LMNA: variants seen among roughly 807,000 people sequenced by gnomAD.
LMNA encodes the protein lamin.
LMNA carries 20 observed loss-of-function variants against 70.4 expected under a neutral mutation model. That is an observed-to-expected ratio of 0.28 (90% CI 0.20 to 0.41). The LOEUF is 0.41. LMNA is among the 10% of genes least tolerant of loss of function. LMNA has a pLI of 1.00. For missense variants in LMNA, 652 were observed against 917.2 expected (o/e 0.71, Z 3.73); for synonymous variants, 339 against 372.8 (o/e 0.91, Z 1.04).
chr1:156,112,619 G>A (rs1223367103), upstream of LMNA, among the ~76,000 whole-genome samples: 4 of 152,330 alleles, frequency 2.6e-5, no homozygotes, highest in African/African-American at 9.6e-5. Context: ...GGAAGCTGAG[G>A]GTGGGTGCCA....
At chr1:156,126,708 C>A in intron 1 of LMNA, 1 of 1,549,752 alleles carries the variant, frequency 6.5e-7, no homozygotes, top group Non-Finnish European at 8.7e-7. Flanking sequence ...CCCTCCCCAC[C>A]CCCTCTCTTC....
chr1:156,115,087 G>T lies in LMNA; in HGVS notation c.169G>T (p.Ala57Ser). ...DRVRSLETEN[A>S]GLRLRITESE... ...TGTGCGCTCGCTGGAAACGGAGAAC[G>T]CAGGGCTGCGCCTTCGCATCACCGA... is the stretch of plus-strand genomic sequence containing the variant. The change falls in exon 1 of 12, where the codon GCA (alanine) becomes TCA (serine). Residue 57 changes from alanine (A) to serine (S), a missense_variant. Physicochemically the swap from Ala to Ser is moderately conservative, Grantham distance 99 (BLOSUM62 1). Around this residue, in one of 4 missense-constraint regions of LMNA, gnomAD observed 254 missense variants for 421.9 expected, o/e 0.60. Transcript: ENST00000368300. The surrounding 1 kb of genome is among the most constrained non-coding windows in gnomAD (Gnocchi z 5.8). The T allele has an allele frequency of 6.3e-7, 1 of 1,596,424 alleles. No homozygotes were observed. Among genetic ancestry groups the T allele is most frequent in the Admixed American group, 1.8e-5 (1 of 56,914 alleles).
rs748348868 is a variant in LMNA, at chr1:156,139,101, A to T, written c.1990A>T (p.Met664Leu). ...RTQSPQNCSIM is the reference protein window; with the variant it reads ...RTQSPQNCSIL ...TTAGAGCCCCCAGAACTGCAGCATC[A>T]TGTAATCTGGGACCTGCCAGGCAGG... Residue 664 changes from methionine to leucine, a missense_variant, in exon 12 of 12, where the codon ATG becomes TTG. Around this residue, in one of 4 missense-constraint regions of LMNA, gnomAD observed 327 missense variants for 387.6 expected, o/e 0.84. Transcript: ENST00000368300. 1 of 1,613,370 alleles carries T rather than the reference A, an allele frequency of 6.2e-7. No homozygotes were observed. Among genetic ancestry groups the T allele is most frequent in the Non-Finnish European group, 8.5e-7 (1 of 1,179,766 alleles).
At chr1:156,099,425 A>G (rs933728098) in intron 3 of LMNA, among the ~76,000 whole-genome samples, 3 of 152,132 alleles carry the variant, frequency 2.0e-5, no homozygotes, top group Non-Finnish European at 4.4e-5. Flanking sequence ...ACCGTTTATT[A>G]ATTGTGCAAC....
At chr1:156,129,336 C>G (rs1650850218) in intron 1 of LMNA, among the ~76,000 whole-genome samples, 1 of 152,164 alleles carries the variant, frequency 6.6e-6, no homozygotes, top group South Asian at 2.1e-4. Flanking sequence ...CTCTCCTAAG[C>G]AGAACACTGC....
Position 156,085,064 on chromosome 1 carries a change from A to G in LMNA, c.-319+1880A>G, listed in dbSNP as rs561329044. ...CAAGAATGAATCAGCCCTCTGGGTA[A>G]GTTAATGTCCACCCTCAGGGTCCCA... On this transcript the variant is annotated intron_variant, in intron 2 of 12. Coordinates refer to the LMNA transcript ENST00000368301. 7.9e-5 allele frequency among the ~76,000 whole-genome samples: 12 copies of G among 152,344 alleles called. No individual in the cohort carries two copies. In the South Asian group the frequency reaches 2.5e-3, roughly 32 times the overall value.
At chr1:156,088,416 G>T (rs1334693856) in intron 2 of LMNA, among the ~76,000 whole-genome samples, 1 of 152,094 alleles carries the variant, frequency 6.6e-6, no homozygotes, top group Non-Finnish European at 1.5e-5. Flanking sequence ...CCACACAAAA[G>T]AAATGTGAGA....
intron 3 of LMNA, among the ~76,000 whole-genome samples, chr1:156,099,081 G>T (rs572073000): frequency 6.6e-6 from 1 of 152,158 alleles, no homozygotes; most frequent in Admixed American, 6.5e-5. Flanking sequence ...AGGGCTCCCC[G>T]TTGGCAGGGA....
intron 2 of LMNA, among the ~76,000 whole-genome samples, chr1:156,090,165 G>A (rs527369435): frequency 6.6e-6 from 1 of 152,354 alleles, no homozygotes; most frequent in South Asian, 2.1e-4. Flanking sequence ...AATGCAAGAT[G>A]CAGTCTGGCA....
upstream of LMNA, chr1:156,109,452 C>T (rs1485309762): frequency 6.6e-6 from 1 of 152,584 alleles, no homozygotes; most frequent in African/African-American, 2.4e-5. Context: ...CCAGCCTTAC[C>T]TCTAGTGGCT....
At position 156,136,302 on chromosome 1, in the gene LMNA, A is replaced by G. The variant is rs1481070980; in HGVS notation, c.1246A>G (p.Thr416Ala). The change falls in exon 7 of 12, where the codon ACC becomes GCC. Residue 416 changes from threonine (T) to alanine (A), a missense_variant. Thr to Ala is a moderately conservative substitution (Grantham distance 58). Around this residue, in one of 4 missense-constraint regions of LMNA, gnomAD observed 327 missense variants for 387.6 expected, o/e 0.84. Transcript: ENST00000368300. This position sits in a 1 kb window ranked among gnomAD's most constrained non-coding sequence, Gnocchi z 6.1. ...CCAGACACAGGGTGGGGGCAGCGTC[A>G]CCAAAAAGCGCAAACTGGAGTCCAC... ...SSQTQGGGSV[T>A]KKRKLESTES... The G allele has an allele frequency of 6.2e-7, 1 of 1,612,204 alleles. No individual in the cohort carries two copies. Among genetic ancestry groups the G allele is most frequent in the South Asian group, 1.1e-5 (1 of 91,018 alleles).
chr1:156,124,872 C>T (rs539297404), intron 1 of LMNA, among the ~76,000 whole-genome samples: 3 of 152,266 alleles, frequency 2.0e-5, no homozygotes, highest in South Asian at 2.1e-4. Flanking sequence ...TCCCAGCAAG[C>T]GAGACAGAGG....
At chr1:156,096,356 A>G (rs1054616853) in intron 3 of LMNA, among the ~76,000 whole-genome samples, 21 of 152,304 alleles carry the variant, frequency 1.4e-4, no homozygotes, top group Admixed American at 8.5e-4. Flanking sequence ...CTGTTTTCCC[A>G]TCTATAAAGT....
At chr1:156,113,159 C>G (rs541552327), upstream of LMNA, among the ~76,000 whole-genome samples, 1 of 152,022 alleles carries the variant, frequency 6.6e-6, no homozygotes, top group Non-Finnish European at 1.5e-5. Flanking sequence ...AAAAAATTAG[C>G]TGGGCTTGGT....
chr1:156,122,723 C>A (rs1295467517), intron 1 of LMNA, among the ~76,000 whole-genome samples: 2 of 152,194 alleles, frequency 1.3e-5, no homozygotes, highest in African/African-American at 4.8e-5. Context: ...CTAGGAGAGG[C>A]AGAACTGTTA....
At chr1:156,088,219 A>G (rs1026570707) in intron 2 of LMNA, among the ~76,000 whole-genome samples, 3 of 152,168 alleles carry the variant, frequency 2.0e-5, no homozygotes, top group Non-Finnish European at 2.9e-5. Flanking sequence ...CTGTGTTGCT[A>G]TCTAACCACC....
chr1:156,130,542 G>A, intron 1 of LMNA, 75 bp from the exon 2 acceptor site: 6 of 1,518,616 alleles, frequency 4.0e-6, no homozygotes. Context: ...CCCCATGGCT[G>A]ACCTCCTGGG....
chr1:156,114,342 C>T (rs1051828497), upstream of LMNA, among the ~76,000 whole-genome samples: 1 of 152,196 alleles, frequency 6.6e-6, no homozygotes, highest in Admixed American at 6.5e-5. Context: ...TGGCTCCCAG[C>T]CCTGCCTACC....
At position 156,136,142 on chromosome 1, in the gene LMNA, G is replaced by T. The variant is rs1651585796; in HGVS notation, c.1157+21G>T. On this transcript the variant is annotated intron_variant, in intron 6 of 11. Coordinates refer to ENST00000368300, the MANE Select transcript of LMNA (RefSeq NM_170707.4). The surrounding 1 kb of genome is among the most constrained non-coding windows in gnomAD (Gnocchi z 6.1). ...GAGAGGTGGGCTGGGGAGACGTCGG[G>T]GAGGTGCTGGCAGTGTCCTCTGGCC... 1 of 1,613,594 alleles carries T rather than the reference G, an allele frequency of 6.2e-7. No individual in the cohort carries two copies. The highest frequency in any genetic ancestry group is 1.1e-5 in the South Asian group (1 of 91,084).
Sources: allele counts gnomAD v4.1 joint callset (sites outside exome capture counted in the v4.1 genomes callset), GRCh38; gene constraint gnomAD v4.1.1; regional missense constraint gnomAD v4.1.1; non-coding constraint Gnocchi (gnomAD v3.1); transcripts MANE v1.5; gene names NCBI Gene and HGNC (gene_info 2026-07-23, HGNC 2026-07-21).